SYT9: variants seen among roughly 807,000 people sequenced by gnomAD.
SYT9 encodes synaptotagmin 9.
SYT9 carries 22 observed loss-of-function variants against 48.4 expected under a neutral mutation model. That is an observed-to-expected ratio of 0.45 (90% CI 0.32 to 0.65). SYT9 has a LOEUF of 0.65. Among genes scored for constraint, SYT9 ranks in the 30% least tolerant of loss-of-function variants. The pLI is 0.03. For synonymous variants in SYT9, 265 were observed against 245.0 expected (o/e 1.08, Z -0.76); for missense variants, 577 against 622.0 (o/e 0.93, Z 0.77).
intron 3 of SYT9, among the ~76,000 whole-genome samples, chr11:7,326,398 C>T (rs1416532198): frequency 1.1e-4 from 11 of 98,192 alleles, no homozygotes; most frequent in African/African-American, 3.3e-4. Flanking sequence ...AGTTTATTTG[C>T]GTAGAGGTGT....
At chr11:7,255,222 G>A (rs1325015389) in intron 1 of SYT9, among the ~76,000 whole-genome samples, 1 of 152,178 alleles carries the variant, frequency 6.6e-6, no homozygotes, top group Admixed American at 6.5e-5. Flanking sequence ...AAGGCAGAGG[G>A]AACAGCAAGC....
rs140360184 is a variant in SYT9, at chr11:7,339,607, G to A, written c.1044+25666G>A. On this transcript the variant is annotated intron_variant, in intron 3 of 6. Coordinates refer to ENST00000318881, the MANE Select transcript of SYT9 (RefSeq NM_175733.4). ...AAAGGATCTTATTTCTCCTTTACTAGGGAAGCTTAGTTTGGTTGGATATGA... is the reference window on the plus strand; with the variant it reads ...AAAGGATCTTATTTCTCCTTTACTAAGGAAGCTTAGTTTGGTTGGATATGA... 7.4e-3 allele frequency among the ~76,000 whole-genome samples: 1,129 copies of A among 152,188 alleles called. 7 individuals are homozygous for A. The highest frequency in any genetic ancestry group is 0.011 in the Non-Finnish European group (776 of 67,994).
chr11:7,389,480 C>G (rs756552646), intron 3 of SYT9, among the ~76,000 whole-genome samples: 1 of 152,030 alleles, frequency 6.6e-6, no homozygotes, highest in Admixed American at 6.6e-5. Context: ...CTTGAGAACT[C>G]CCCCATAAAA....
intron 3 of SYT9, among the ~76,000 whole-genome samples, chr11:7,395,984 C>G (rs555414141): frequency 6.6e-6 from 1 of 152,066 alleles, no homozygotes; most frequent in Non-Finnish European, 1.5e-5. Flanking sequence ...TCTTTCATTT[C>G]TATGTTTGGA....
intron 3 of SYT9, among the ~76,000 whole-genome samples, chr11:7,335,537 G>A (rs898563348): frequency 6.6e-6 from 1 of 151,876 alleles, no homozygotes; most frequent in African/African-American, 2.4e-5. Flanking sequence ...TCATCATTTA[G>A]CTCCTACTTG....
In SYT9 at chr11:7,313,859, A is replaced by G. The variant is rs370160285; in HGVS notation, c.962A>G (p.Gln321Arg). Reference sequence around the variant, plus strand: ...TTCTCTCGTCATGACTTAATCGGCCAAGTGGTGGTGGATCACTTCCTAGAC... The same window carrying G: ...TTCTCTCGTCATGACTTAATCGGCCGAGTGGTGGTGGATCACTTCCTAGAC... ...DRFSRHDLIG[Q>R]VVVDHFLDLA... Residue 321 changes from glutamine (Q) to arginine (R), a missense_variant, in exon 3 of 7, where the codon CAA becomes CGA. Coordinates refer to ENST00000318881, the MANE Select transcript of SYT9 (RefSeq NM_175733.4). 6 of 1,614,180 alleles carry G rather than the reference A, an allele frequency of 3.7e-6. No individual in the cohort carries two copies. The highest frequency in any genetic ancestry group is 1.7e-5 in the Admixed American group (1 of 60,026).
intron 6 of SYT9, among the ~76,000 whole-genome samples, chr11:7,463,775 G>T (rs1255642844): frequency 6.6e-6 from 1 of 152,142 alleles, no homozygotes; most frequent in Non-Finnish European, 1.5e-5. Flanking sequence ...CCAAGTGAAG[G>T]GCTGCACCTT....
intron 3 of SYT9, among the ~76,000 whole-genome samples, chr11:7,346,656 C>T (rs1025827512): frequency 6.6e-6 from 1 of 152,180 alleles, no homozygotes; most frequent in Admixed American, 6.5e-5. Context: ...ACTACAAAAT[C>T]AGTCTCACTT....
intron 1 of SYT9, among the ~76,000 whole-genome samples, chr11:7,256,705 G>A (rs1457823340): frequency 6.6e-6 from 1 of 152,130 alleles, no homozygotes; most frequent in Admixed American, 6.5e-5. Context: ...TAAAGATTCA[G>A]CTTAGTATTT....
chr11:7,443,020 G>A (rs1454813741), intron 6 of SYT9, among the ~76,000 whole-genome samples: 1 of 152,184 alleles, frequency 6.6e-6, no homozygotes, highest in Non-Finnish European at 1.5e-5. Context: ...GAATGAGAAT[G>A]AGAATGAAAG....
intron 3 of SYT9, among the ~76,000 whole-genome samples, chr11:7,398,412 CTTT>C (rs71059106): frequency 1.4e-4 from 17 of 125,836 alleles, no homozygotes; most frequent in Non-Finnish European, 1.7e-4. Flanking sequence ...GTTTTCTTTT[CTTT>C]TTTTTTTTTT....
intron 2 of SYT9, among the ~76,000 whole-genome samples, chr11:7,307,981 C>T (rs981985813): frequency 6.6e-6 from 1 of 152,218 alleles, no homozygotes; most frequent in African/African-American, 2.4e-5. Context: ...CATTATCTCA[C>T]TTATGCTGGA....
intron 3 of SYT9, among the ~76,000 whole-genome samples, chr11:7,357,179 T>A (rs1850036935): frequency 6.6e-6 from 1 of 152,154 alleles, no homozygotes; most frequent in African/African-American, 2.4e-5. Flanking sequence ...TATTTGAGAT[T>A]TTTTTCCCCT....
chr11:7,246,151 C>T (rs960168381), intron 1 of SYT9, among the ~76,000 whole-genome samples: 9 of 152,120 alleles, frequency 5.9e-5, no homozygotes, highest in Non-Finnish European at 1.3e-4. Context: ...CTAACCAGGG[C>T]ACCAGGGAAG....
At chr11:7,383,449 C>T (rs1850601986) in intron 3 of SYT9, among the ~76,000 whole-genome samples, 1 of 152,140 alleles carries the variant, frequency 6.6e-6, no homozygotes, top group Non-Finnish European at 1.5e-5. Context: ...ACTGAGGGTG[C>T]AACACATATC....
At chr11:7,291,213 C>T (rs1374834365) in intron 1 of SYT9, among the ~76,000 whole-genome samples, 1 of 152,142 alleles carries the variant, frequency 6.6e-6, no homozygotes, top group Non-Finnish European at 1.5e-5. Flanking sequence ...GTAGGTCAGC[C>T]TCACAGAGCC....
At chr11:7,260,094 A>C (rs562742770) in intron 1 of SYT9, among the ~76,000 whole-genome samples, 23 of 152,328 alleles carry the variant, frequency 1.5e-4, no homozygotes, top group Admixed American at 5.2e-4. Flanking sequence ...AATTAAGTTA[A>C]ATTCCAAAAA....
intron 3 of SYT9, among the ~76,000 whole-genome samples, chr11:7,413,388 G>T (rs752906657): frequency 3.9e-5 from 6 of 152,178 alleles, no homozygotes; most frequent in Non-Finnish European, 7.3e-5. Flanking sequence ...AGGCCTGTGG[G>T]TCACAGCATG....
chr11:7,312,665 G>A (rs887069777), intron 2 of SYT9, among the ~76,000 whole-genome samples: 2 of 152,174 alleles, frequency 1.3e-5, no homozygotes, highest in African/African-American at 2.4e-5. Flanking sequence ...ATCTCCAGTT[G>A]AATCCCTACA....
Sources: allele counts gnomAD v4.1 joint callset (sites outside exome capture counted in the v4.1 genomes callset), GRCh38; gene constraint gnomAD v4.1.1; transcripts MANE v1.5; gene names NCBI Gene and HGNC (gene_info 2026-07-23, HGNC 2026-07-21).